The following DCAF17 variants were observed in gnomAD, a reference collection of about 807,000 sequenced individuals.
DCAF17 encodes DDB1 and CUL4 associated factor 17.
In DCAF17, 48 loss-of-function variants were observed where a neutral mutation model predicts 66.0. That is an observed-to-expected ratio of 0.73 (90% CI 0.58 to 0.92). The LOEUF (loss-of-function observed/expected upper bound fraction) is 0.92, where lower values mean the gene tolerates loss of function less well. DCAF17 is among the 40% of genes least tolerant of loss of function. The pLI is 0.00. For missense variants in DCAF17, 562 were observed against 622.8 expected (o/e 0.90, Z 1.04); for synonymous variants, 206 against 214.6 (o/e 0.96, Z 0.35).
At chr2:171,450,914 G>T (rs185449170) in intron 5 of DCAF17, among the ~76,000 whole-genome samples, 1 of 152,088 alleles carries the variant, frequency 6.6e-6, no homozygotes, top group African/African-American at 2.4e-5. Context: ...CATAGTGTTG[G>T]TAACCTTGGC....
rs559347711 is a variant in DCAF17 at position 171,459,781 on chromosome 2, T to C, written c.838+1304T>C. 7.9e-5 allele frequency among the ~76,000 whole-genome samples: 12 copies of C among 152,288 alleles called. No homozygotes were observed. The East Asian group carries it at 2.3e-3, about 29-fold the overall frequency. On this transcript the variant is annotated intron_variant, in intron 8 of 13. Transcript: ENST00000375255. ...AACTACTGGGAGTTCAAGTAAGTTA[T>C]TCATGAAGTTCAAAATAAATATTTT...
chr2:171,462,506 TATAAG>T (rs1218458137), intron 8 of DCAF17, among the ~76,000 whole-genome samples: 1 of 152,312 alleles, frequency 6.6e-6, no homozygotes, highest in Non-Finnish European at 1.5e-5. Context: ...TTAAAATTAT[TATAAG>T]ATAACATCTC....
At position 171,434,591 on chromosome 2, in the gene DCAF17, G is replaced by A; in HGVS notation, c.14G>A (p.Arg5Gln). 6.5e-7 allele frequency: 1 copy of A among 1,528,014 alleles called. No homozygotes were observed. The highest frequency in any genetic ancestry group is 1.4e-5 in the African/African-American group (1 of 71,950). The allele number at this position is 1,528,014 out of a possible 1,614,324, so 94.7% of individuals were successfully genotyped here. Residue 5 changes from arginine to glutamine, a missense_variant, in exon 1 of 14, where the codon CGG (arginine) becomes CAG (glutamine). By Grantham distance (43) the Arg-to-Gln change is conservative. This residue lies in a region of DCAF17 where 348 missense variants were observed against 355.9 expected (regional missense o/e 0.98). Coordinates refer to ENST00000375255, the MANE Select transcript of DCAF17 (RefSeq NM_025000.4). The part of the protein sequence containing the change: MGPT[R>Q]KPNVCSRLSR... ...GCCCGCGCCTCCATGGGCCCGACCC[G>A]GAAGCCCAACGTGTGCAGCCGGCTG...
Position 171,478,089 on chromosome 2 carries a change from A to G in DCAF17, c.1266+19A>G. On this transcript the variant is annotated intron_variant, in intron 12 of 13. Transcript: ENST00000375255. The stretch of plus-strand genomic sequence containing the variant: ...ACAAGAGGTATTGCTTTGGCCAGAG[A>G]TGACAAACCAAACCAGTGTGTCCTT... The G allele has an allele frequency of 1.3e-6, 2 of 1,589,514 alleles. No individual in the cohort carries two copies. The highest frequency in any genetic ancestry group is 1.7e-6 in the Non-Finnish European group (2 of 1,157,856).
chr2:171,461,156 G>A (rs1439381421), intron 8 of DCAF17, among the ~76,000 whole-genome samples: 1 of 151,948 alleles, frequency 6.6e-6, no homozygotes, highest in African/African-American at 2.4e-5. Flanking sequence ...TAAAAAATTG[G>A]GAAATTGGCC....
At chr2:171,444,007 T>C (rs1295268177) in intron 3 of DCAF17, among the ~76,000 whole-genome samples, 2 of 152,070 alleles carry the variant, frequency 1.3e-5, no homozygotes, top group Non-Finnish European at 2.9e-5. Flanking sequence ...GTTAGGAAAA[T>C]AATAAAAATA....
In DCAF17 at chr2:171,484,326, A is replaced by G. The variant is rs893023810; in HGVS notation, c.*3212A>G. 9 of 417,030 alleles carry G rather than the reference A, an allele frequency of 2.2e-5. No homozygotes were observed. The highest frequency in any genetic ancestry group is 3.7e-5 in the Non-Finnish European group (8 of 215,104). The allele number at this position is 417,030 out of a possible 1,614,324, so 25.8% of individuals were successfully genotyped here. A position where few individuals can be genotyped will look rare whatever the true frequency, so the allele number is the denominator to read the frequency against. ...ATTTATTTCAAACAAGGGACATACA[A>G]TAGAAAGATAAGACCTACTGAGGTC... is the stretch of plus-strand genomic sequence containing the variant. On this transcript the variant is annotated 3_prime_UTR_variant, in exon 14 of 14. Transcript: ENST00000375255.
Position 171,482,431 on chromosome 2 carries a change from T to C in DCAF17, c.*1317T>C, listed in dbSNP as rs1696782630. On this transcript the variant is annotated 3_prime_UTR_variant, in exon 14 of 14. Coordinates refer to ENST00000375255, the MANE Select transcript of DCAF17 (RefSeq NM_025000.4). Reference sequence around the variant, plus strand: ...TGAATTCTTCCCAGTTCTGCCCTGGTGCTAGACATTGCCCCATACTTTCAA... The same window carrying C: ...TGAATTCTTCCCAGTTCTGCCCTGGCGCTAGACATTGCCCCATACTTTCAA... 2.2e-6 allele frequency: 1 copy of C among 453,928 alleles called. No homozygotes were observed. The highest frequency in any genetic ancestry group is 4.4e-6 in the Non-Finnish European group (1 of 226,786). 28.1% of individuals were successfully genotyped at this position (453,928 alleles called of 1,614,324 possible).
intron 8 of DCAF17, among the ~76,000 whole-genome samples, chr2:171,466,427 GC>G (rs1167485425): frequency 6.6e-6 from 1 of 151,972 alleles, no homozygotes; most frequent in Admixed American, 6.6e-5. Context: ...GGAAGTGGAA[GC>G]CCTTTTGCTG....
chr2:171,473,323 G>T (rs76347150), intron 9 of DCAF17, among the ~76,000 whole-genome samples: 54 of 152,244 alleles, frequency 3.5e-4, no homozygotes, highest in African/African-American at 1.3e-3. Context: ...TATTGGAAAA[G>T]GTCAGGTGCA....
At chr2:171,477,897 G>T in intron 11 of DCAF17, 90 bp from the exon 12 acceptor site, 1 of 1,075,470 alleles carries the variant, frequency 9.3e-7, no homozygotes, top group Non-Finnish European at 1.4e-6. Context: ...AGAAGGGTTG[G>T]TAAGTTTTAC....
At chr2:171,457,786 G>A (rs1441625662) in intron 6 of DCAF17, among the ~76,000 whole-genome samples, 185 bp from the exon 7 acceptor site, 1 of 152,124 alleles carries the variant, frequency 6.6e-6, no homozygotes, top group Non-Finnish European at 1.5e-5. Flanking sequence ...AGAATCCAGT[G>A]GCTTACTGTT....
At chr2:171,440,268 C>T (rs1694231606) in intron 2 of DCAF17, among the ~76,000 whole-genome samples, 1 of 152,108 alleles carries the variant, frequency 6.6e-6, no homozygotes, top group South Asian at 2.1e-4. Flanking sequence ...TGGTTGAGGG[C>T]TATATATGAT....
At chr2:171,447,363 T>C (rs1325148382) in intron 3 of DCAF17, 1 of 364,234 alleles carries the variant, frequency 2.7e-6, no homozygotes, top group Non-Finnish European at 5.4e-6. Flanking sequence ...TTACTTTCTT[T>C]CTTTCTTTTT....
At chr2:171,479,418 T>C (rs1696640951) in intron 12 of DCAF17, among the ~76,000 whole-genome samples, 1 of 152,204 alleles carries the variant, frequency 6.6e-6, no homozygotes, top group Non-Finnish European at 1.5e-5. Context: ...GATTTTTCTC[T>C]CTTTACCATA....
intron 8 of DCAF17, among the ~76,000 whole-genome samples, chr2:171,460,915 T>G (rs1695549561): frequency 6.6e-6 from 1 of 152,164 alleles, no homozygotes; most frequent in African/African-American, 2.4e-5. Flanking sequence ...ACATGATCTA[T>G]GAAATCATTT....
At chr2:171,443,362 A>T in intron 2 of DCAF17, 161 bp from the exon 3 acceptor site, 1 of 570,196 alleles carries the variant, frequency 1.8e-6, no homozygotes, top group Non-Finnish European at 3.0e-6. Context: ...TTTTTATATG[A>T]ATTATGTGAT....
chr2:171,468,850 A>G, intron 8 of DCAF17, 38 bp from the exon 9 acceptor site: 18 of 1,613,998 alleles, frequency 1.1e-5, no homozygotes, highest in Non-Finnish European at 1.5e-5. Context: ...AGCCCCCAGA[A>G]CAGTGCAGCT....
At chr2:171,438,246 A>G (rs963033382) in intron 2 of DCAF17, among the ~76,000 whole-genome samples, 1 of 152,206 alleles carries the variant, frequency 6.6e-6, no homozygotes, top group Non-Finnish European at 1.5e-5. Flanking sequence ...CTAGTCTTTT[A>G]AATTTGTTAA....
Sources: allele counts gnomAD v4.1 joint callset (sites outside exome capture counted in the v4.1 genomes callset), GRCh38; gene constraint gnomAD v4.1.1; regional missense constraint gnomAD v4.1.1; transcripts MANE v1.5; gene names NCBI Gene and HGNC (gene_info 2026-07-23, HGNC 2026-07-21).